Variants in GSS observed in about 807,000 individuals in gnomAD.
GSS encodes the protein glutathione synthetase.
In GSS, 34 loss-of-function variants were observed where a neutral mutation model predicts 60.4. The observed-to-expected ratio is 0.56, with a 90% CI of 0.43 to 0.75. GSS has a LOEUF of 0.75. Among genes scored for constraint, GSS ranks in the 30% least tolerant of loss-of-function variants. The pLI is 0.00. For missense variants in GSS, 499 were observed against 595.1 expected, an observed-to-expected ratio of 0.84 and a Z score of 1.68; for synonymous variants, 224 against 239.0, an observed-to-expected ratio of 0.94 and a Z score of 0.58.
intron 6 of GSS, among the ~76,000 whole-genome samples, chr20:34,937,826 G>A (rs1262841248): frequency 6.6e-6 from 1 of 152,140 alleles, no homozygotes; most frequent in African/African-American, 2.4e-5. Context: ...ATGCTCAGCA[G>A]TACCAAACTG....
intron 1 of GSS, chr20:34,955,374 C>A (rs2081614566): frequency 6.6e-6 from 1 of 152,260 alleles, no homozygotes; most frequent in Non-Finnish European, 1.5e-5. Flanking sequence ...GGCCCCGAGG[C>A]AACGACACGG....
At chr20:34,941,045 A>C (rs1305779809) in intron 6 of GSS, among the ~76,000 whole-genome samples, 1 of 152,158 alleles carries the variant, frequency 6.6e-6, no homozygotes, top group African/African-American at 2.4e-5. Context: ...TGGGAAACAG[A>C]CAAGAAAACT....
intron 1 of GSS, among the ~76,000 whole-genome samples, chr20:34,953,899 G>C (rs1490078874): frequency 6.6e-6 from 1 of 152,066 alleles, no homozygotes; most frequent in African/African-American, 2.4e-5. Flanking sequence ...GAGCCACCCC[G>C]CCCAGCCGAC....
Position 34,931,215 on chromosome 20 carries a change from G to C in GSS, c.1111+121C>G. On this transcript the variant is annotated intron_variant, in intron 11 of 12. Coordinates refer to ENST00000651619, the MANE Select transcript of GSS (RefSeq NM_000178.4). ...GGGGACACTGTCCAACATGTGGCCT[G>C]TGTCAGTTCCAATAGTTTCCCCCAT... is the stretch of plus-strand genomic sequence containing the variant. The C allele has an allele frequency of 4.9e-6, 4 of 809,218 alleles. 1 individual carries two copies. In the Admixed American group the frequency reaches 7.6e-5, roughly 15 times the overall value. The allele number at this position is 809,218 out of a possible 1,614,324, so 50.1% of individuals were successfully genotyped here.
intron 8 of GSS, 108 bp downstream of exon 8, chr20:34,936,655 A>C: frequency 2.2e-6 from 2 of 899,068 alleles, no homozygotes; most frequent in Admixed American, 3.4e-5. Context: ...ATTATGAGAG[A>C]AGGAAGCAAG....
intron 3 of GSS, among the ~76,000 whole-genome samples, chr20:34,944,609 G>A (rs752198025): frequency 3.9e-5 from 6 of 152,184 alleles, no homozygotes; most frequent in Admixed American, 1.3e-4. Flanking sequence ...TCCCTTATCC[G>A]AAATGCTTGG....
At position 34,942,550 on chromosome 20, in the gene GSS, G is replaced by C; in HGVS notation, c.429C>G (p.Ile143Met). 1 of 1,613,936 alleles carries C rather than the reference G, an allele frequency of 6.2e-7. No homozygotes were observed. The highest frequency in any genetic ancestry group is 8.5e-7 in the Non-Finnish European group (1 of 1,179,856). ...AGCTGGCAGAGATGGTGTTGATTTCGATCTGTTTCAGGGCTGGGGAGCCAT... is the reference window on the plus strand; with the variant it reads ...AGCTGGCAGAGATGGTGTTGATTTCCATCTGTTTCAGGGCTGGGGAGCCAT... Reference protein sequence around the residue: ...SADGSPALKQIEINTISASFG... With the variant: ...SADGSPALKQMEINTISASFG... Residue 143 changes from isoleucine to methionine, a missense_variant, in exon 5 of 13, where the codon ATC (isoleucine) becomes ATG (methionine). Transcript: ENST00000651619.
At chr20:34,931,451 T>C (rs1569009280) in intron 10 of GSS, 34 bp from the exon 11 acceptor site, 1 of 1,557,720 alleles carries the variant, frequency 6.4e-7, no homozygotes. Context: ...ATCAAAAGTT[T>C]AAAGGCTAAA....
In GSS at chr20:34,936,792, C is replaced by A; in HGVS notation, c.738G>T (p.Gly246=). 1 of 1,614,082 alleles carries A rather than the reference C, an allele frequency of 6.2e-7. No individual in the cohort carries two copies. Among genetic ancestry groups the A allele is most frequent in the South Asian group, 1.1e-5 (1 of 91,076 alleles). The change falls in exon 8 of 13, where the codon GGG becomes GGT. Residue 246 remains glycine (G), a synonymous_variant. Coordinates refer to ENST00000651619, the MANE Select transcript of GSS (RefSeq NM_000178.4). ...ACAGCCTTCGGTCTTGGTCCAGAGA[C>A]CCCTTTTCAGAGATATCTTCAAATG... ...RRTFEDISEK[G]SLDQDRRLFV... is the part of the protein sequence containing the mutation.
At chr20:34,935,946 T>C (rs751409699) in intron 8 of GSS, among the ~76,000 whole-genome samples, 5 of 152,238 alleles carry the variant, frequency 3.3e-5, no homozygotes, top group African/African-American at 1.2e-4. Flanking sequence ...CATACAAATG[T>C]TGGCTCGAAA....
chr20:34,949,470 T>C (rs1485528704), intron 2 of GSS: 2 of 151,910 alleles, frequency 1.3e-5, no homozygotes, highest in Non-Finnish European at 2.9e-5. Context: ...CTTGCTATGC[T>C]GTTCCTTTTC....
At chr20:34,930,300 T>G (rs1302910608) in intron 11 of GSS, among the ~76,000 whole-genome samples, 1 of 152,032 alleles carries the variant, frequency 6.6e-6, no homozygotes, top group African/African-American at 2.4e-5. Context: ...TCCAAATATT[T>G]AATGCAGGCT....
intron 1 of GSS, 80 bp downstream of exon 1, chr20:34,955,647 C>G (rs560138669): frequency 6.6e-6 from 1 of 152,336 alleles, no homozygotes; most frequent in Non-Finnish European, 1.5e-5. Flanking sequence ...GAATTCCAAT[C>G]TCTTGCCAGA....
rs534846977 is a variant in GSS, at chr20:34,940,304, G to T, written c.608+1409C>A. 2.6e-5 allele frequency among the ~76,000 whole-genome samples: 4 copies of T among 152,292 alleles called. No individual in the cohort carries two copies. The South Asian group carries it at 8.3e-4, about 32-fold the overall frequency. ...GCAGGCAAAACCCTCTGCAGCATTT[G>T]TCTGTCAGCAGTTCCCCAGCTGACC... On this transcript the variant is annotated intron_variant, in intron 6 of 12. Coordinates refer to ENST00000651619, the MANE Select transcript of GSS (RefSeq NM_000178.4).
upstream of GSS, chr20:34,955,971 AGGGGAGGGGACCATCGGGGTCGGC>A (rs1474486580): frequency 6.6e-6 from 1 of 152,248 alleles, no homozygotes; most frequent in African/African-American, 2.4e-5. Flanking sequence ...CTTGGGAAGG[AGGGGAGGGGACCATCGGGGTCGGC>A]GGGGAGCTAC....
At chr20:34,953,457 T>TCAGA (rs1039076561) in intron 1 of GSS, among the ~76,000 whole-genome samples, 1 of 152,094 alleles carries the variant, frequency 6.6e-6, no homozygotes, top group Non-Finnish European at 1.5e-5. Flanking sequence ...AAGGTTCAAG[T>TCAGA]CAGACAGACA....
chr20:34,942,910 AG>A lies in GSS; in HGVS notation c.351+20del. On this transcript the variant is annotated intron_variant, in intron 4 of 12. Transcript: ENST00000651619. The stretch of plus-strand genomic sequence containing the variant: ...ATGGGAGGGACAGGTTACAGACTGG[AG>A]TAGGGCTGGGAATGGTTACCTGGGC... 6.6e-7 allele frequency: 1 copy of A among 1,522,090 alleles called. No individual in the cohort carries two copies. The highest frequency in any genetic ancestry group is 1.1e-5 in the South Asian group (1 of 87,704). 94.3% of individuals were successfully genotyped at this position (1,522,090 alleles called of 1,614,324 possible). A position where few individuals can be genotyped will look rare whatever the true frequency, so the allele number is the denominator to read the frequency against.
chr20:34,948,826 A>AG (rs1569017262), intron 2 of GSS, among the ~76,000 whole-genome samples: 5 of 151,994 alleles, frequency 3.3e-5, no homozygotes, highest in African/African-American at 9.7e-5. Flanking sequence ...AAAAAAACCT[A>AG]TAGCACGTGC....
intron 1 of GSS, among the ~76,000 whole-genome samples, chr20:34,953,248 G>A (rs1204814832): frequency 6.6e-6 from 1 of 152,188 alleles, no homozygotes; most frequent in Non-Finnish European, 1.5e-5. Context: ...CCCCAGGAAG[G>A]GAGTTAGAGA....
Sources: allele counts gnomAD v4.1 joint callset (sites outside exome capture counted in the v4.1 genomes callset), GRCh38; gene constraint gnomAD v4.1.1; transcripts MANE v1.5; gene names NCBI Gene and HGNC (gene_info 2026-07-23, HGNC 2026-07-21).